Variants in RPL23 observed in about 807,000 individuals in gnomAD.
RPL23 encodes the protein ribosomal protein L23, also known as large ribosomal subunit protein uL14.
For missense variants in RPL23, 79 were observed against 178.8 expected (o/e 0.44, Z 3.18); for synonymous variants, 63 against 65.3 (o/e 0.97, Z 0.17).
rs3834563 is a variant in RPL23, at chr17:38,850,096, GTTTTTTT to G, written c.*29_*35del. 3.7e-3 allele frequency: 5,291 copies of G among 1,436,138 alleles called. 12 individuals carry two copies. The highest frequency in any genetic ancestry group is 4.5e-3 in the Non-Finnish European group (4,715 of 1,051,904). The allele number at this position is 1,436,138 out of a possible 1,614,324, so 89.0% of individuals were successfully genotyped here. On this transcript the variant is annotated 3_prime_UTR_variant, in exon 5 of 5. Coordinates refer to ENST00000479035, the MANE Select transcript of RPL23 (RefSeq NM_000978.4). ...AAACAAATACTTTTTAATGGGTTTA[GTTTTTTT>G]TTTTATTTTTTACAAATATACTGGA...
At position 38,850,424 on chromosome 17, in the gene RPL23, C is replaced by T; in HGVS notation, c.278G>A (p.Gly93Asp). The stretch of plus-strand genomic sequence containing the variant: ...ATTATCTTCAAAATAAAGAAACACG[C>T]CATCTTTTCTACGGTATGACTTTCG... ...RQRKSYRRKD[G>D]VFLYFEDNAG... The change falls in exon 4 of 5, where the codon GGC (glycine) becomes GAC (aspartate). Residue 93 changes from glycine (G) to aspartate (D), a missense_variant. Gly to Asp is a moderately conservative substitution (Grantham distance 94, BLOSUM62 -1). Transcript: ENST00000479035. 1 of 1,613,872 alleles carries T rather than the reference C, an allele frequency of 6.2e-7. No individual in the cohort carries two copies. The highest frequency in any genetic ancestry group is 8.5e-7 in the Non-Finnish European group (1 of 1,180,016).
At chr17:38,850,684 CAT>C (rs1489597983) in intron 3 of RPL23, 8 of 451,852 alleles carry the variant, frequency 1.8e-5, no homozygotes, top group East Asian at 7.6e-5. Context: ...TTTTTTTTTT[CAT>C]AGAGACAGGG....
chr17:38,850,312 A>G lies in RPL23; in HGVS notation c.340+50T>C, dbSNP rs1912964534. 2.5e-6 allele frequency: 4 copies of G among 1,573,394 alleles called. No individual in the cohort carries two copies. The Middle Eastern group carries it at 5.0e-4, about 198-fold the overall frequency. Reference sequence around the variant, plus strand: ...AGATCCTTGGCCTGTACTTCTAGACAATCCACCCAACCTCAGAGACCTAAG... The same window carrying G: ...AGATCCTTGGCCTGTACTTCTAGACGATCCACCCAACCTCAGAGACCTAAG... On this transcript the variant is annotated intron_variant, in intron 4 of 4. Transcript: ENST00000479035.
At chr17:38,852,913 A>T in intron 2 of RPL23, 109 bp downstream of exon 2, 1 of 1,376,172 alleles carries the variant, frequency 7.3e-7, no homozygotes, top group Admixed American at 1.7e-5. Context: ...CACTTCACCC[A>T]AAAGCGATGT....
intron 2 of RPL23, 120 bp from the exon 3 acceptor site, chr17:38,852,852 CCGCAAGAA>C: frequency 1.4e-6 from 2 of 1,460,862 alleles, no homozygotes; most frequent in Admixed American, 1.7e-5. Context: ...AGCAGTTAGT[CCGCAAGAA>C]CGCCTTGTCA....
In RPL23 at chr17:38,848,216, T is replaced by A; in HGVS notation, c.*1916A>T. The A allele has an allele frequency of 1.2e-6, 1 of 809,974 alleles. No individual in the cohort carries two copies. Among genetic ancestry groups the A allele is most frequent in the Non-Finnish European group, 1.7e-6 (1 of 589,264 alleles). 50.2% of individuals were successfully genotyped at this position (809,974 alleles called of 1,614,324 possible). ...GACCATACTCAGGGATGTTATGGTG[T>A]AACTCTCTAAAACTAGAGATTTAAT... On this transcript the variant is annotated 3_prime_UTR_variant, in exon 5 of 5. Transcript: ENST00000479035.
intron 3 of RPL23, chr17:38,851,338 C>G (rs1912996611): frequency 6.6e-6 from 1 of 152,134 alleles, no homozygotes; most frequent in African/African-American, 2.4e-5. Flanking sequence ...TACTCATAAA[C>G]CATTTAATCC....
Position 38,850,380 on chromosome 17 carries a change from T to C in RPL23, c.322A>G (p.Asn108Asp). ...FEDNAGVIVN[N>D]KGEMKGSAIT... Reference sequence around the variant, plus strand: ...TTCCTACCTTTCATCTCGCCTTTATTGTTCACTATGACTCCTGCATTATCT... The same window carrying C: ...TTCCTACCTTTCATCTCGCCTTTATCGTTCACTATGACTCCTGCATTATCT... Residue 108 changes from asparagine to aspartate, a missense_variant, in exon 4 of 5, where the codon AAT (asparagine) becomes GAT (aspartate). Coordinates refer to ENST00000479035, the MANE Select transcript of RPL23 (RefSeq NM_000978.4). 1 of 1,613,672 alleles carries C rather than the reference T, an allele frequency of 6.2e-7. No homozygotes were observed. Among genetic ancestry groups the C allele is most frequent in the Non-Finnish European group, 8.5e-7 (1 of 1,179,788 alleles).
chr17:38,850,740 A>G, intron 3 of RPL23: 2 of 351,546 alleles, frequency 5.7e-6, no homozygotes, highest in South Asian at 4.8e-5. Context: ...TGCTGGGAGT[A>G]TAGGGAGTAA....
intron 3 of RPL23, chr17:38,850,763 C>T (rs1376085397): frequency 1.1e-5 from 3 of 268,482 alleles, no homozygotes; most frequent in East Asian, 7.8e-5. Context: ...GCATGAACCA[C>T]GATCATCTAT....
rs1347320610 is a variant in RPL23, at chr17:38,849,547, A to AGCC, written c.*582_*584dup. 1 of 152,170 alleles carries AGCC rather than the reference A, an allele frequency of 6.6e-6. No individual in the cohort carries two copies. Among genetic ancestry groups the AGCC allele is most frequent in the African/African-American group, 2.4e-5 (1 of 41,434 alleles). 9.4% of individuals were successfully genotyped at this position (152,170 alleles called of 1,614,324 possible). On this transcript the variant is annotated 3_prime_UTR_variant, in exon 5 of 5. Transcript: ENST00000479035. ...AAGAGGAGGTTTCACCACGTTGGTC[A>AGCC]GCCTGGTCTTGAACTCCTGACCTCA... is the stretch of plus-strand genomic sequence containing the variant.
intron 3 of RPL23, chr17:38,851,142 TATA>T (rs1458715631): frequency 6.6e-6 from 1 of 152,226 alleles, no homozygotes; most frequent in Non-Finnish European, 1.5e-5. Context: ...CACAGTGAAA[TATA>T]ATGCTTGTGA....
intron 3 of RPL23, chr17:38,851,443 A>G (rs1488657541): frequency 6.6e-6 from 1 of 152,092 alleles, no homozygotes; most frequent in East Asian, 1.9e-4. Flanking sequence ...GTATTCATTT[A>G]GCAGAAACAA....
At chr17:38,852,516 G>T in intron 3 of RPL23, 88 bp downstream of exon 3, 2 of 1,528,170 alleles carry the variant, frequency 1.3e-6, no homozygotes, top group Non-Finnish European at 1.8e-6. Flanking sequence ...AAACAAACTT[G>T]AGGCCTTGAA....
chr17:38,852,464 G>A (rs961205263), intron 3 of RPL23, 140 bp downstream of exon 3: 1 of 1,054,900 alleles, frequency 9.5e-7, no homozygotes, highest in Admixed American at 2.3e-5. Flanking sequence ...CACAATATGA[G>A]CAAAAACTTA....
At position 38,847,924 on chromosome 17, in the gene RPL23, G is replaced by A. The variant is rs1381281012; in HGVS notation, c.*2208C>T. ...AAATCTCCAAAGAATAAAATGTGAGGTGGGATGCAGTGGCTCACACTTGTA... is the reference window on the plus strand; with the variant it reads ...AAATCTCCAAAGAATAAAATGTGAGATGGGATGCAGTGGCTCACACTTGTA... On this transcript the variant is annotated 3_prime_UTR_variant, in exon 5 of 5. Transcript: ENST00000479035. 2 of 1,521,954 alleles carry A rather than the reference G, an allele frequency of 1.3e-6. No individual in the cohort carries two copies. Among genetic ancestry groups the A allele is most frequent in the Non-Finnish European group, 1.8e-6 (2 of 1,137,024 alleles). The allele number at this position is 1,521,954 out of a possible 1,614,324, so 94.3% of individuals were successfully genotyped here. A position where few individuals can be genotyped will look rare whatever the true frequency, so the allele number is the denominator to read the frequency against.
intron 1 of RPL23, 36 bp from the exon 2 acceptor site, chr17:38,853,141 G>T (rs767205327): frequency 7.9e-6 from 12 of 1,524,474 alleles, no homozygotes; most frequent in South Asian, 1.1e-5. Context: ...AGGATAAAGA[G>T]ATCACAATCT....
At position 38,852,746 on chromosome 17, in the gene RPL23, T is replaced by G. The variant is rs777125006; in HGVS notation, c.98-14A>C. The G allele has an allele frequency of 1.9e-6, 3 of 1,613,868 alleles. No individual in the cohort carries two copies. The highest frequency in any genetic ancestry group is 2.5e-6 in the Non-Finnish European group (3 of 1,179,950). The stretch of plus-strand genomic sequence containing the variant: ...GGTTTTTGGCTCCTACAAAAGAATG[T>G]AAATAAAAATAAAAAATGTTGAGGG... On this transcript the variant is annotated splice_polypyrimidine_tract_variant and intron_variant, in intron 2 of 4. Coordinates refer to ENST00000479035, the MANE Select transcript of RPL23 (RefSeq NM_000978.4).
chr17:38,850,468 T>C lies in RPL23; in HGVS notation c.234A>G (p.Pro78=), dbSNP rs1332183936. ...ACTTTCGTTGTCGAATGACCACTGC[T>C]GGATGTACTGAGAGAAGAAAAAAGG... is the stretch of plus-strand genomic sequence containing the variant. ...GKPELRKKVH[P]AVVIRQRKSY... The change falls in exon 4 of 5, where the codon CCA becomes CCG. Residue 78 remains proline, a synonymous_variant. Coordinates refer to ENST00000479035, the MANE Select transcript of RPL23 (RefSeq NM_000978.4). The C allele has an allele frequency of 1.9e-6, 3 of 1,611,950 alleles. No homozygotes were observed. The highest frequency in any genetic ancestry group is 1.7e-6 in the Non-Finnish European group (2 of 1,178,292).
Sources: allele counts gnomAD v4.1 joint callset, GRCh38; gene constraint gnomAD v4.1.1; transcripts MANE v1.5; gene names NCBI Gene and HGNC (gene_info 2026-07-23, HGNC 2026-07-21).